TMEM59: variants seen among roughly 807,000 people sequenced by gnomAD.
The protein encoded by TMEM59 is dendritic cell factor 1.
A neutral mutation model predicts 42.2 loss-of-function variants in TMEM59; 44 were observed. The observed-to-expected ratio is 1.04, with a 90% confidence interval of 0.82 to 1.34. TMEM59 has a LOEUF of 1.34. Ranked by LOEUF, TMEM59 falls within the 40% of genes most tolerant of loss-of-function variation. TMEM59 has a pLI of 0.00. For missense variants in TMEM59, 359 were observed against 382.8 expected, an observed-to-expected ratio of 0.94 and a Z score of 0.52; for synonymous variants, 148 against 145.8, an observed-to-expected ratio of 1.02 and a Z score of -0.11.
At chr1:54,042,090 A>G (rs1376597281) in intron 4 of TMEM59, among the ~76,000 whole-genome samples, 2 of 151,438 alleles carry the variant, frequency 1.3e-5, no homozygotes, top group East Asian at 3.9e-4. Flanking sequence ...AGAGGGACAA[A>G]TCATGACATA....
rs1223306555 is a variant in TMEM59 at position 54,027,581 on chromosome 1, C to G, written c.*4569G>C. 6.6e-6 allele frequency: 1 copy of G among 152,046 alleles called. No homozygotes were observed. Among genetic ancestry groups the G allele is most frequent in the Non-Finnish European group, 1.5e-5 (1 of 68,010 alleles). The allele number at this position is 152,046 out of a possible 1,614,324, so 9.4% of individuals were successfully genotyped here. ...GCCAGGAGTTCGAGACCAGCCTGGG[C>G]AACATGGCAAAACCCCATCTTTACT... On this transcript the variant is annotated 3_prime_UTR_variant, in exon 8 of 8. Transcript: ENST00000234831.
upstream of TMEM59, chr1:54,053,262 A>C (rs1350082132): frequency 2.6e-6 from 4 of 1,547,538 alleles, no homozygotes; most frequent in African/African-American, 4.1e-5. Flanking sequence ...TCCTGGGGCC[A>C]GCCCCCTTCT....
intron 3 of TMEM59, chr1:54,044,113 C>T (rs144473081): frequency 0.011 from 1,652 of 151,950 alleles, 12 homozygotes; most frequent in Middle Eastern, 0.047. Context: ...GAGGCTGAGG[C>T]GGGTGGATCA....
rs377075966 is a variant in TMEM59 at position 54,030,455 on chromosome 1, T to A, written c.*1695A>T. 6.6e-6 allele frequency: 1 copy of A among 152,134 alleles called. No individual in the cohort carries two copies. The highest frequency in any genetic ancestry group is 1.5e-5 in the Non-Finnish European group (1 of 68,040). The allele number at this position is 152,134 out of a possible 1,614,324, so 9.4% of individuals were successfully genotyped here. A position where few individuals can be genotyped will look rare whatever the true frequency, so the allele number is the denominator to read the frequency against. On this transcript the variant is annotated 3_prime_UTR_variant, in exon 8 of 8. Transcript: ENST00000234831. ...CTACCCATGTTTTATATAGTCCCCA[T>A]GTTTGTTTGTATTTTTTTGTACAGA...
intron 6 of TMEM59, among the ~76,000 whole-genome samples, chr1:54,038,302 C>T (rs1657020899): frequency 1.3e-5 from 2 of 152,194 alleles, no homozygotes; most frequent in African/African-American, 4.8e-5. Flanking sequence ...AAAATTTCTA[C>T]TCATCACTTG....
At position 54,039,137 on chromosome 1, in the gene TMEM59, C is replaced by T. The variant is rs566037190; in HGVS notation, c.707+1619G>A. ...TGCTGGGATTACATGCATGAGCCAC[C>T]GCACTCGGCCAAAAGAATAATTTTT... On this transcript the variant is annotated intron_variant, in intron 6 of 7. Transcript: ENST00000234831. 2.1e-4 allele frequency among the ~76,000 whole-genome samples: 32 copies of T among 152,196 alleles called. No individual in the cohort carries two copies. The South Asian group carries it at 6.0e-3, about 29-fold the overall frequency.
chr1:54,039,100 G>T (rs1353746091), intron 6 of TMEM59, among the ~76,000 whole-genome samples: 1 of 152,074 alleles, frequency 6.6e-6, no homozygotes, highest in African/African-American at 2.4e-5. Context: ...CTCCCACCTT[G>T]GCCTTCCAAA....
At chr1:54,053,367 C>T, upstream of TMEM59, 1 of 672,880 alleles carries the variant, frequency 1.5e-6, no homozygotes, top group African/African-American at 1.8e-5. Flanking sequence ...TCTGGGACTA[C>T]GAACTTCTTC....
chr1:54,032,091 G>T lies in TMEM59; in HGVS notation c.*59C>A. ...TATATCCAATGAAACCATTTTAAAAGCTCTATGAGGAGTGGAATTTTAGAT... is the reference window on the plus strand; with the variant it reads ...TATATCCAATGAAACCATTTTAAAATCTCTATGAGGAGTGGAATTTTAGAT... On this transcript the variant is annotated 3_prime_UTR_variant, in exon 8 of 8. Transcript: ENST00000234831. 6.8e-7 allele frequency: 1 copy of T among 1,478,448 alleles called. No homozygotes were observed. The highest frequency in any genetic ancestry group is 9.1e-7 in the Non-Finnish European group (1 of 1,102,188). The allele number at this position is 1,478,448 out of a possible 1,614,324, so 91.6% of individuals were successfully genotyped here.
In TMEM59 at chr1:54,040,936, G is replaced by T. The variant is rs574847644; in HGVS notation, c.626-99C>A. The T allele has an allele frequency of 1.0e-4, 94 of 914,860 alleles. No homozygotes were observed. In the East Asian group the frequency reaches 2.4e-3, roughly 23 times the overall value. 56.7% of individuals were successfully genotyped at this position (914,860 alleles called of 1,614,324 possible). A position where few individuals can be genotyped will look rare whatever the true frequency, so the allele number is the denominator to read the frequency against. The stretch of plus-strand genomic sequence containing the variant: ...ATATACACTTTACAGATATCCAATT[G>T]TTTTTGTTTGTGTCATCTGATACAT... On this transcript the variant is annotated intron_variant, in intron 5 of 7. Transcript: ENST00000234831.
chr1:54,039,861 A>G (rs544973426), intron 6 of TMEM59, among the ~76,000 whole-genome samples: 27 of 152,064 alleles, frequency 1.8e-4, no homozygotes, highest in Non-Finnish European at 2.9e-4. Context: ...GGGAGGGACC[A>G]TATCTGAACT....
chr1:54,033,151 G>T (rs113616680), intron 7 of TMEM59: 3,783 of 149,950 alleles, frequency 0.025, 108 homozygotes, highest in Middle Eastern at 0.079. Context: ...TTAAATGATG[G>T]GGTCTTGCTA....
chr1:54,042,056 G>T (rs12088176), intron 4 of TMEM59, among the ~76,000 whole-genome samples: 19,504 of 131,140 alleles, frequency 0.15, 2,805 homozygotes, highest in African/African-American at 0.39. Context: ...GTTTTGTTTT[G>T]TTTTTTTTTT....
At position 54,031,372 on chromosome 1, in the gene TMEM59, CAA is replaced by C. The variant is rs1357485440; in HGVS notation, c.*776_*777del. The C allele has an allele frequency of 4.6e-5, 7 of 152,154 alleles. No individual in the cohort carries two copies. Among genetic ancestry groups the C allele is most frequent in the Non-Finnish European group, 7.3e-5 (5 of 68,032 alleles). The allele number at this position is 152,154 out of a possible 1,614,324, so 9.4% of individuals were successfully genotyped here. On this transcript the variant is annotated 3_prime_UTR_variant, in exon 8 of 8. Transcript: ENST00000234831. ...AAAATTTATACTTAATTCTGTATCA[CAA>C]GAGTCTAATTTTTAGTGTTAAAATG...
rs1222410770 is a variant in TMEM59, at chr1:54,053,109, G to T, written c.80C>A (p.Ala27Asp). 1 of 1,614,130 alleles carries T rather than the reference G, an allele frequency of 6.2e-7. No individual in the cohort carries two copies. Among genetic ancestry groups the T allele is most frequent in the Non-Finnish European group, 8.5e-7 (1 of 1,180,048 alleles). Residue 27 changes from alanine to aspartate, a missense_variant, in exon 1 of 8, where the codon GCC (alanine) becomes GAC (aspartate). Physicochemically the swap from Ala to Asp is moderately radical, Grantham distance 126. Transcript: ENST00000234831. ...AGCCGAAGCGGTCCCCGAACCTCCGGCCAAGGCCATGGTCAGCAGCAGCAG... is the reference window on the plus strand; with the variant it reads ...AGCCGAAGCGGTCCCCGAACCTCCGTCCAAGGCCATGGTCAGCAGCAGCAG... ...PPLLLLTMALAGGSGTASAEA... is the reference protein window; with the variant it reads ...PPLLLLTMALDGGSGTASAEA...
chr1:54,034,028 G>T (rs571108040), intron 7 of TMEM59: 1 of 146,936 alleles, frequency 6.8e-6, no homozygotes, highest in Admixed American at 7.1e-5. Flanking sequence ...CGAGGTAGGA[G>T]AATCGCTTGA....
At chr1:54,052,070 A>T (rs1315102368) in intron 1 of TMEM59, among the ~76,000 whole-genome samples, 1 of 152,190 alleles carries the variant, frequency 6.6e-6, no homozygotes, top group Non-Finnish European at 1.5e-5. Flanking sequence ...ATGAAGGAAA[A>T]ACGAAGAGGA....
chr1:54,050,133 TTTC>T (rs1464218258), intron 1 of TMEM59, among the ~76,000 whole-genome samples: 24 of 152,178 alleles, frequency 1.6e-4, no homozygotes, highest in Non-Finnish European at 8.8e-5. Context: ...CTTTTTTTTT[TTTC>T]TTTTTTTGAG....
Position 54,053,175 on chromosome 1 carries a change from T to A in TMEM59, c.14A>T (p.Lys5Met). Residue 5 changes from lysine to methionine, a missense_variant, in exon 1 of 8, where the codon AAG becomes ATG. Physicochemically the swap from Lys to Met is moderately conservative, Grantham distance 95 (BLOSUM62 -1). Transcript: ENST00000234831. ...TTGGGTCCTCACCCAGAGGCTCCCC[T>A]TCGGCGCCGCCATCTTGTTCCCCTC... MAAP[K>M]GSLWVRTQLG... is the part of the protein sequence containing the mutation. The A allele has an allele frequency of 6.2e-7, 1 of 1,614,032 alleles. No individual in the cohort carries two copies. The highest frequency in any genetic ancestry group is 8.5e-7 in the Non-Finnish European group (1 of 1,179,972).
Sources: gnomAD v4.1 joint callset for allele counts (sites outside exome capture counted in the v4.1 genomes callset) on GRCh38, gnomAD v4.1.1 for gene constraint, MANE v1.5 for transcripts, NCBI Gene and HGNC (gene_info 2026-07-23, HGNC 2026-07-21) for gene names.